Variants in SNRNP200 observed in about 807,000 individuals in gnomAD.
The protein encoded by SNRNP200 is small nuclear ribonucleoprotein U5 subunit 200, also known as U5 small nuclear ribonucleoprotein 200 kDa helicase.
A neutral mutation model predicts 255.2 loss-of-function variants in SNRNP200; 66 were observed. That is an observed-to-expected ratio of 0.26 (90% CI 0.21 to 0.32). SNRNP200 has a LOEUF of 0.32. SNRNP200 is among the 10% of genes least tolerant of loss of function. SNRNP200 has a pLI of 1.00. For missense variants in SNRNP200, 1,585 were observed against 2,749.8 expected (o/e 0.58, Z 9.47); for synonymous variants, 939 against 1,027.8 (o/e 0.91, Z 1.65).
chr2:96,290,630 A>C lies in SNRNP200; in HGVS notation c.2553+54T>G. The stretch of plus-strand genomic sequence containing the variant: ...TCTGCTAGCTTTCCAGCATCCCTGC[A>C]TTTCAGGCAAGGATACTGATCCCTG... On this transcript the variant is annotated intron_variant, in intron 19 of 44. Transcript: ENST00000323853. The surrounding 1 kb of genome is among the most constrained non-coding windows in gnomAD (Gnocchi z 4.5). The C allele has an allele frequency of 6.2e-7, 1 of 1,613,446 alleles. No individual in the cohort carries two copies. The highest frequency in any genetic ancestry group is 8.5e-7 in the Non-Finnish European group (1 of 1,179,388).
chr2:96,288,120 C>T (rs1558767143), intron 24 of SNRNP200, 151 bp from the exon 25 acceptor site: 3 of 730,898 alleles, frequency 4.1e-6, no homozygotes, highest in Non-Finnish European at 7.4e-6. Context: ...CGCCTTTCTC[C>T]GTTCCATATA....
rs886056458 is a variant in SNRNP200 at position 96,275,321 on chromosome 2, A to G, written c.6203T>C (p.Ile2068Thr). 1.2e-6 allele frequency: 2 copies of G among 1,613,532 alleles called. No individual in the cohort carries two copies. Among genetic ancestry groups the G allele is most frequent in the African/African-American group, 1.3e-5 (1 of 74,904 alleles). The change falls in exon 44 of 45, where the codon ATT becomes ACT. Residue 2068 changes from isoleucine (I) to threonine (T), a missense_variant. Ile to Thr is a moderately conservative substitution (Grantham distance 89). Transcript: ENST00000323853. ...GAGGCTATTGGACTTGGCATCTCCA[A>G]TCACCACCCACCAGCCCTCTTCACG... is the stretch of plus-strand genomic sequence containing the variant. ...QKREEGWWVV[I>T]GDAKSNSLIS...
intron 30 of SNRNP200, 85 bp from the exon 31 acceptor site, chr2:96,284,670 C>G (rs1026263679): frequency 4.3e-6 from 4 of 931,094 alleles, no homozygotes; most frequent in Middle Eastern, 2.3e-4. Flanking sequence ...AGATGCCAAA[C>G]AGACCTGTTG....
At chr2:96,284,332 A>T (rs1339591260) in intron 31 of SNRNP200, 26 bp downstream of exon 31, 1 of 1,593,262 alleles carries the variant, frequency 6.3e-7, no homozygotes, top group South Asian at 1.1e-5. Flanking sequence ...CCAGTCCCTC[A>T]TCTGTGCTGC....
At position 96,278,282 on chromosome 2, in the gene SNRNP200, A is replaced by G. The variant is rs755260931; in HGVS notation, c.5565T>C (p.Tyr1855=). The change falls in exon 39 of 45, where the codon TAT becomes TAC. Residue 1855 remains tyrosine (Y), a synonymous_variant. Coordinates refer to ENST00000323853, the MANE Select transcript of SNRNP200 (RefSeq NM_014014.5). The surrounding 1 kb of genome is among the most constrained non-coding windows in gnomAD (Gnocchi z 6.9). ...CATGGTGCCGGATGGGAATGTTCTC[A>G]TACTCTGCTGCATTGGAGATGATCT... ...LIEIISNAAE[Y]ENIPIRHHED... is the part of the protein sequence containing the mutation. 5.0e-6 allele frequency: 8 copies of G among 1,614,000 alleles called. No individual in the cohort carries two copies. In the African/African-American group the frequency reaches 6.7e-5, roughly 13 times the overall value.
Position 96,297,710 on chromosome 2 carries a change from G to C in SNRNP200, c.1130C>G (p.Ser377Cys). 6.2e-7 allele frequency: 1 copy of C among 1,614,190 alleles called. No homozygotes were observed. The highest frequency in any genetic ancestry group is 8.5e-7 in the Non-Finnish European group (1 of 1,180,040). The change falls in exon 10 of 45, where the codon TCC becomes TGC. Residue 377 changes from serine (S) to cysteine (C), a missense_variant. Transcript: ENST00000323853. ...EKEDLIREER[S>C]RRERVRQSRM... The stretch of plus-strand genomic sequence containing the variant: ...AGACTGACGCACTCGCTCTCTCCGG[G>C]ACCTTTCCTCCTGTAGTGGACAAAG...
chr2:96,279,735 C>A, intron 35 of SNRNP200, 176 bp from the exon 36 acceptor site: 1 of 632,496 alleles, frequency 1.6e-6, no homozygotes, highest in Non-Finnish European at 2.9e-6. Context: ...ACTGGCTGGC[C>A]TGTATAACAT....
chr2:96,295,394 C>T (rs910210621), intron 14 of SNRNP200, 94 bp downstream of exon 14: 10 of 1,520,502 alleles, frequency 6.6e-6, no homozygotes, highest in African/African-American at 1.4e-5. Flanking sequence ...CTAGTGCCTA[C>T]AGAAAAGGCA....
chr2:96,286,956 A>G lies in SNRNP200; in HGVS notation c.3639+50T>C, dbSNP rs777812344. On this transcript the variant is annotated intron_variant, in intron 27 of 44. Coordinates refer to ENST00000323853, the MANE Select transcript of SNRNP200 (RefSeq NM_014014.5). This position sits in a 1 kb window ranked among gnomAD's most constrained non-coding sequence, Gnocchi z 4.8. ...TCCAATCCATCTCCTCGGCCCAGCA[A>G]CGTAGACTGAGCACCTCCAATCCAG... The G allele has an allele frequency of 1.2e-6, 2 of 1,613,888 alleles. No individual in the cohort carries two copies. Among genetic ancestry groups the G allele is most frequent in the African/African-American group, 1.3e-5 (1 of 75,046 alleles).
At chr2:96,303,401 C>T in intron 2 of SNRNP200, 71 bp from the exon 3 acceptor site, 6 of 1,549,748 alleles carry the variant, frequency 3.9e-6, no homozygotes, top group East Asian at 4.5e-5. Context: ...ATCAAGCCCA[C>T]CCTCCTCTCC....
At chr2:96,285,518 C>G in intron 29 of SNRNP200, 178 bp from the exon 30 acceptor site, 1 of 668,890 alleles carries the variant, frequency 1.5e-6, no homozygotes, top group Admixed American at 2.4e-5. Context: ...CTACTGTACC[C>G]CCTTACCTGC....
chr2:96,279,220 G>C (rs1468459538), intron 36 of SNRNP200: 2 of 645,222 alleles, frequency 3.1e-6, no homozygotes, highest in Non-Finnish European at 2.8e-6. Context: ...CAAGGAGGAA[G>C]GAGAGAACCA....
intron 7 of SNRNP200, 40 bp from the exon 8 acceptor site, chr2:96,298,742 A>G (rs1464640737): frequency 1.2e-6 from 2 of 1,613,742 alleles, no homozygotes; most frequent in Non-Finnish European, 1.7e-6. Flanking sequence ...GGCCAAAGCC[A>G]TCTGCCACTT....
chr2:96,304,777 T>C lies in SNRNP200; in HGVS notation c.137A>G (p.Lys46Arg), dbSNP rs2063976366. Residue 46 changes from lysine to arginine, a missense_variant, in exon 2 of 45, where the codon AAG becomes AGG. This residue lies in a region of SNRNP200 where 383 missense variants were observed against 645.3 expected (regional missense o/e 0.59). Coordinates refer to ENST00000323853, the MANE Select transcript of SNRNP200 (RefSeq NM_014014.5). ...GTCTCCCATACGGGTGCCCTCCAGC[T>C]TCCCAACAAGGGACAGCACCTCTCC... Reference protein sequence around the residue: ...PTGEVLSLVGKLEGTRMGDKA... With the variant: ...PTGEVLSLVGRLEGTRMGDKA... 1 of 1,614,078 alleles carries C rather than the reference T, an allele frequency of 6.2e-7. No homozygotes were observed. The highest frequency in any genetic ancestry group is 1.3e-5 in the African/African-American group (1 of 74,914).
At position 96,289,846 on chromosome 2, in the gene SNRNP200, C is replaced by T; in HGVS notation, c.2893G>A (p.Asp965Asn). 6.2e-7 allele frequency: 1 copy of T among 1,614,176 alleles called. No homozygotes were observed. The highest frequency in any genetic ancestry group is 8.5e-7 in the Non-Finnish European group (1 of 1,180,040). ...TCGTACTTGACCAGATTGTTCTTGT[C>T]CAGCATCAGGGCAGCTGTATGAACC... ...DLVHTAALML[D>N]KNNLVKYDKK... is the part of the protein sequence containing the mutation. Residue 965 changes from aspartate to asparagine, a missense_variant, in exon 21 of 45, where the codon GAC (aspartate) becomes AAC (asparagine). Asp to Asn is a conservative substitution (Grantham distance 23). Transcript: ENST00000323853.
rs762245805 is a variant in SNRNP200 at position 96,284,397 on chromosome 2, G to A, written c.4353C>T (p.Phe1451=). 5.0e-6 allele frequency: 8 copies of A among 1,613,978 alleles called. No individual in the cohort carries two copies. Among genetic ancestry groups the A allele is most frequent in the Non-Finnish European group, 6.8e-6 (8 of 1,179,968 alleles). The change falls in exon 31 of 45, where the codon TTC becomes TTT. Residue 1451 remains phenylalanine (F), a synonymous_variant. Transcript: ENST00000323853. The part of the protein sequence containing the change: ...QRKNVQNINL[F]VVDEVHLIGG... ...CGATAAGGTGGACCTCATCCACCACGAAGAGGTTGATGTTCTGCACGTTCT... is the reference window on the plus strand; with the variant it reads ...CGATAAGGTGGACCTCATCCACCACAAAGAGGTTGATGTTCTGCACGTTCT...
At chr2:96,281,696 C>T (rs1194039619) in intron 35 of SNRNP200, 118 bp downstream of exon 35, 4 of 839,830 alleles carry the variant, frequency 4.8e-6, no homozygotes, top group African/African-American at 1.7e-5. Flanking sequence ...GGTGGCATCT[C>T]AGCTGTTAAC....
intron 36 of SNRNP200, 103 bp from the exon 37 acceptor site, chr2:96,279,101 A>G (rs1684717500): frequency 1.1e-6 from 1 of 905,960 alleles, no homozygotes; most frequent in South Asian, 1.4e-5. Flanking sequence ...GTGAGACCTA[A>G]CTAATACCAA....
chr2:96,301,173 TACA>T (rs2063950013), intron 4 of SNRNP200, 120 bp from the exon 5 acceptor site: 2 of 836,246 alleles, frequency 2.4e-6, no homozygotes, highest in Non-Finnish European at 4.1e-6. Flanking sequence ...TAAGGACACA[TACA>T]GATACTTAGA....
Sources: gnomAD v4.1 joint callset for allele counts on GRCh38, gnomAD v4.1.1 for gene constraint, gnomAD v4.1.1 regional missense constraint, Gnocchi (gnomAD v3.1) non-coding constraint, MANE v1.5 for transcripts, NCBI Gene and HGNC (gene_info 2026-07-23, HGNC 2026-07-21) for gene names.